Variants in SLC2A13 observed in about 807,000 individuals in gnomAD.
SLC2A13 encodes proton myo-inositol cotransporter.
A neutral mutation model predicts 64.4 loss-of-function variants in SLC2A13; 32 were observed. That is an observed-to-expected ratio of 0.50 (90% CI 0.37 to 0.67). SLC2A13 has a LOEUF of 0.67. SLC2A13 is among the 30% of genes least tolerant of loss of function. SLC2A13 has a pLI of 0.00. For missense variants in SLC2A13, 743 were observed against 829.2 expected (o/e 0.90, Z 1.28); for synonymous variants, 338 against 327.1 (o/e 1.03, Z -0.36).
At chr12:39,882,134 C>T (rs1044159931) in intron 4 of SLC2A13, among the ~76,000 whole-genome samples, 2 of 152,102 alleles carry the variant, frequency 1.3e-5, no homozygotes, top group Admixed American at 6.6e-5. Context: ...CTCATTCCTG[C>T]CCCTTACCCA....
Position 40,105,959 on chromosome 12 carries a change from G to T in SLC2A13, c.-151C>A. On this transcript the variant is annotated 5_prime_UTR_variant, in exon 1 of 10. Transcript: ENST00000280871. This position sits in a 1 kb window ranked among gnomAD's most constrained non-coding sequence, Gnocchi z 4.2. ...TCCGGCTGCCACGGCAGCAGCCGCC[G>T]CCACGGCCGCTCCGGGGAGAAAGTT... The T allele has an allele frequency of 1.1e-6, 1 of 951,284 alleles. No homozygotes were observed. Among genetic ancestry groups the T allele is most frequent in the Non-Finnish European group, 1.4e-6 (1 of 717,502 alleles). The allele number at this position is 951,284 out of a possible 1,614,324, so 58.9% of individuals were successfully genotyped here.
chr12:40,036,948 TA>T (rs1947997696), intron 2 of SLC2A13, among the ~76,000 whole-genome samples: 2 of 152,344 alleles, frequency 1.3e-5, no homozygotes, highest in East Asian at 3.9e-4. Flanking sequence ...GGTTTTATCA[TA>T]AATGAATGTT....
intron 7 of SLC2A13, among the ~76,000 whole-genome samples, chr12:39,768,687 G>A (rs767178025): frequency 1.1e-4 from 16 of 151,968 alleles, no homozygotes; most frequent in Non-Finnish European, 1.8e-4. Flanking sequence ...TACGGGTGCA[G>A]TTTGTGATGC....
At chr12:39,884,967 C>G (rs573632419) in intron 4 of SLC2A13, among the ~76,000 whole-genome samples, 6 of 152,212 alleles carry the variant, frequency 3.9e-5, no homozygotes, top group Non-Finnish European at 8.8e-5. Flanking sequence ...TGATAAACAT[C>G]TATTCAGGTG....
chr12:39,866,855 A>G (rs1943925223), intron 5 of SLC2A13, among the ~76,000 whole-genome samples: 1 of 152,238 alleles, frequency 6.6e-6, no homozygotes, highest in Admixed American at 6.5e-5. Context: ...CAGCAGCCAC[A>G]GCAAGCCTTC....
intron 2 of SLC2A13, among the ~76,000 whole-genome samples, chr12:40,036,721 ACTTT>A (rs1384050136): frequency 6.6e-6 from 1 of 152,138 alleles, no homozygotes; most frequent in Non-Finnish European, 1.5e-5. Flanking sequence ...GAATCCTCCA[ACTTT>A]GTTCTTTGAG....
At chr12:40,005,945 GT>G (rs1376968616) in intron 3 of SLC2A13, among the ~76,000 whole-genome samples, 2 of 152,098 alleles carry the variant, frequency 1.3e-5, no homozygotes, top group African/African-American at 2.4e-5. Context: ...TGATTTCACA[GT>G]TTTTGCTTCT....
At chr12:39,904,544 G>A (rs543600716) in intron 4 of SLC2A13, among the ~76,000 whole-genome samples, 11 of 152,118 alleles carry the variant, frequency 7.2e-5, no homozygotes, top group African/African-American at 2.4e-4. Flanking sequence ...TCTTTCATAT[G>A]CCAACTGCCA....
chr12:39,901,479 TCAAA>T, intron 4 of SLC2A13, among the ~76,000 whole-genome samples: 1 of 137,816 alleles, frequency 7.3e-6, no homozygotes, highest in South Asian at 2.6e-4. Context: ...TACAATGAAC[TCAAA>T]CAAATTTACA....
At chr12:40,068,582 C>A in intron 1 of SLC2A13, 1 of 181,442 alleles carries the variant, frequency 5.5e-6, no homozygotes, top group East Asian at 1.4e-4. Context: ...TCATTTTTGC[C>A]ACCATCATAT....
At position 40,090,662 on chromosome 12, in the gene SLC2A13, T is replaced by C. The variant is rs528159689; in HGVS notation, c.556+14591A>G. On this transcript the variant is annotated intron_variant, in intron 1 of 9. Coordinates refer to ENST00000280871, the MANE Select transcript of SLC2A13 (RefSeq NM_052885.4). ...AAATAATCCAGACTCTAATGATCTC[T>C]TGCACAGATGAATAAATAACTGCAT... is the stretch of plus-strand genomic sequence containing the variant. Among the ~76,000 whole-genome samples the C allele has an allele frequency of 3.3e-5, 5 of 152,322 alleles. No individual in the cohort carries two copies. In the South Asian group the frequency reaches 1.0e-3, roughly 32 times the overall value.
Position 39,759,970 on chromosome 12 carries a change from T to C in SLC2A13, c.*56A>G. ...GAAGCAGGGCAGTGAAGTCACCAAT[T>C]GCTGTTCTTCTCCCCCCAGTTTGTT... On this transcript the variant is annotated 3_prime_UTR_variant, in exon 10 of 10. Transcript: ENST00000280871. 1 of 1,366,524 alleles carries C rather than the reference T, an allele frequency of 7.3e-7. No individual in the cohort carries two copies. The highest frequency in any genetic ancestry group is 1.4e-5 in the African/African-American group (1 of 69,912). The allele number at this position is 1,366,524 out of a possible 1,614,324, so 84.6% of individuals were successfully genotyped here. A position where few individuals can be genotyped will look rare whatever the true frequency, so the allele number is the denominator to read the frequency against.
At chr12:39,789,327 G>T (rs1282070416) in intron 7 of SLC2A13, among the ~76,000 whole-genome samples, 2 of 151,936 alleles carry the variant, frequency 1.3e-5, no homozygotes, top group African/African-American at 2.4e-5. Flanking sequence ...TTTATTACTT[G>T]TTTAATTTCT....
At chr12:39,909,377 G>A (rs1945370096) in intron 4 of SLC2A13, among the ~76,000 whole-genome samples, 1 of 151,894 alleles carries the variant, frequency 6.6e-6, no homozygotes, top group Non-Finnish European at 1.5e-5. Flanking sequence ...AATATGAACA[G>A]CTTGCATTTG....
chr12:39,841,937 C>G (rs529036101), intron 6 of SLC2A13, among the ~76,000 whole-genome samples: 1 of 152,162 alleles, frequency 6.6e-6, no homozygotes, highest in South Asian at 2.1e-4. Flanking sequence ...GCTAATATCA[C>G]AGACAGTTTA....
intron 7 of SLC2A13, among the ~76,000 whole-genome samples, chr12:39,803,383 A>G (rs73092112): frequency 0.015 from 2,287 of 152,270 alleles, 59 homozygotes; most frequent in African/African-American, 0.05. Context: ...AACAATAAAC[A>G]GCAGAGCCAC....
intron 4 of SLC2A13, among the ~76,000 whole-genome samples, chr12:39,914,104 G>A (rs911150387): frequency 6.6e-6 from 1 of 151,974 alleles, no homozygotes; most frequent in African/African-American, 2.4e-5. Flanking sequence ...AGTGGAACAA[G>A]CAAGAACTAG....
chr12:40,045,874 A>C (rs1273432354), intron 2 of SLC2A13, among the ~76,000 whole-genome samples: 1 of 152,192 alleles, frequency 6.6e-6, no homozygotes, highest in Non-Finnish European at 1.5e-5. Context: ...TGCTTCCCAC[A>C]GCAGCAATAC....
intron 1 of SLC2A13, among the ~76,000 whole-genome samples, chr12:40,077,510 T>C (rs1468955886): frequency 6.6e-6 from 1 of 152,198 alleles, no homozygotes; most frequent in Admixed American, 6.5e-5. Context: ...CACTCCTCTA[T>C]ATGTCTGTCT....
Sources: allele counts gnomAD v4.1 joint callset (sites outside exome capture counted in the v4.1 genomes callset), GRCh38; gene constraint gnomAD v4.1.1; non-coding constraint Gnocchi (gnomAD v3.1); transcripts MANE v1.5; gene names NCBI Gene and HGNC (gene_info 2026-07-23, HGNC 2026-07-21).